THSD7B: variants seen among roughly 807,000 people sequenced by gnomAD.
The protein encoded by THSD7B is thrombospondin type 1 domain containing 7B, also known as thrombospondin type-1 domain-containing protein 7B.
THSD7B carries 138 observed loss-of-function variants against 213.6 expected under a neutral mutation model. The ratio of observed to expected loss-of-function variants is 0.65; its 90% CI spans 0.56 to 0.74. The LOEUF (loss-of-function observed/expected upper bound fraction) is 0.74. THSD7B is among the 30% of genes least tolerant of loss of function. The probability of loss-of-function intolerance (pLI) is 0.00; values close to 1 mark genes in which losing one functional copy is unlikely to be tolerated. For synonymous variants in THSD7B, 742 were observed against 687.0 expected (o/e 1.08, Z -1.25); for missense variants, 1,931 against 1,991.5 (o/e 0.97, Z 0.58).
rs191173202 is a variant in THSD7B, at chr2:137,574,852, T to C, written c.3423+2296T>C. 1.7e-4 allele frequency among the ~76,000 whole-genome samples: 26 copies of C among 152,246 alleles called. No homozygotes were observed. In the East Asian group the frequency reaches 3.7e-3, roughly 21 times the overall value. ...ATAGCAAAGGCAGCAAACTAAATCA[T>C]TGTGCCTGTAATTTAATTAGCACTT... On this transcript the variant is annotated intron_variant, in intron 17 of 27. Coordinates refer to ENST00000409968, the MANE Select transcript of THSD7B (RefSeq NM_001316349.2).
rs62171239 is a variant in THSD7B at position 137,073,348 on chromosome 2, G to A, written c.950+16118G>A. Among the ~76,000 whole-genome samples the A allele has an allele frequency of 1.2e-4, 18 of 152,074 alleles. No homozygotes were observed. The East Asian group carries it at 2.1e-3, about 18-fold the overall frequency. On this transcript the variant is annotated intron_variant, in intron 3 of 27. Transcript: ENST00000409968. ...TTAGTCTTGGGAGGATGTATGTGTC[G>A]AGGAATTTATCCATTTCTTCTAGAT...
In THSD7B at chr2:137,426,523, T is replaced by C. The variant is rs141479276; in HGVS notation, c.2959+14651T>C. On this transcript the variant is annotated intron_variant, in intron 14 of 27. Coordinates refer to ENST00000409968, the MANE Select transcript of THSD7B (RefSeq NM_001316349.2). ...ACAGAATATAAAGCTCAGAAATAAA[T>C]GTTGCGCTAGTAATCTTTGACAAAG... Among the ~76,000 whole-genome samples the C allele has an allele frequency of 3.4e-3, 513 of 152,144 alleles. 2 individuals carry two copies. Among genetic ancestry groups the C allele is most frequent in the African/African-American group, 0.011 (477 of 41,546 alleles).
At chr2:137,516,397 C>CA (rs756017478) in intron 15 of THSD7B, among the ~76,000 whole-genome samples, 36 of 152,300 alleles carry the variant, frequency 2.4e-4, no homozygotes, top group Non-Finnish European at 3.7e-4. Context: ...CGAAGGACCC[C>CA]ACTACATTAC....
intron 5 of THSD7B, among the ~76,000 whole-genome samples, chr2:137,137,207 G>A (rs1016614783): frequency 6.6e-6 from 1 of 152,106 alleles, no homozygotes; most frequent in African/African-American, 2.4e-5. Flanking sequence ...ATATTTTGCT[G>A]GGTGCCTTTC....
chr2:137,420,165 G>A lies in THSD7B; in HGVS notation c.2959+8293G>A, dbSNP rs553712386. 1.9e-4 allele frequency among the ~76,000 whole-genome samples: 29 copies of A among 151,990 alleles called. No individual in the cohort carries two copies. In the South Asian group the frequency reaches 3.5e-3, roughly 18 times the overall value. On this transcript the variant is annotated intron_variant, in intron 14 of 27. Transcript: ENST00000409968. ...TTACTGGAGTGAGATGATATCTACCGTGGTTTTGATTTTAACCTTGTTTAA... is the reference window on the plus strand; with the variant it reads ...TTACTGGAGTGAGATGATATCTACCATGGTTTTGATTTTAACCTTGTTTAA...
intron 13 of THSD7B, among the ~76,000 whole-genome samples, chr2:137,406,373 A>T (rs922868054): frequency 1.3e-5 from 2 of 152,236 alleles, no homozygotes; most frequent in Admixed American, 1.3e-4. Context: ...TAATTGTTTA[A>T]TTGAATTCCT....
intron 12 of THSD7B, among the ~76,000 whole-genome samples, chr2:137,401,207 T>C (rs1441253661): frequency 6.6e-6 from 1 of 152,222 alleles, no homozygotes; most frequent in Non-Finnish European, 1.5e-5. Context: ...GTTTTTAAAC[T>C]CTCTTTCCCC....
chr2:137,476,671 A>G (rs1367985672), intron 15 of THSD7B, among the ~76,000 whole-genome samples: 1 of 152,038 alleles, frequency 6.6e-6, no homozygotes, highest in East Asian at 1.9e-4. Context: ...CCTGGGTTCA[A>G]GGGATTCCCT....
At chr2:137,196,938 C>G (rs967113131) in intron 7 of THSD7B, among the ~76,000 whole-genome samples, 2 of 152,150 alleles carry the variant, frequency 1.3e-5, no homozygotes, top group Admixed American at 6.6e-5. Context: ...GCACAGCGGG[C>G]TCCTCCTGTT....
chr2:137,582,131 A>C, intron 17 of THSD7B, among the ~76,000 whole-genome samples: 1 of 145,838 alleles, frequency 6.9e-6, no homozygotes, highest in Middle Eastern at 3.8e-3. Context: ...GATAAATAAA[A>C]ATAAATTAAT....
chr2:136,996,291 G>GTCTCTCTCTC (rs70975734), intron 2 of THSD7B, among the ~76,000 whole-genome samples: 2 of 151,212 alleles, frequency 1.3e-5, no homozygotes, highest in Middle Eastern at 3.2e-3. Flanking sequence ...AGTCAGACTG[G>GTCTCTCTCTC]TCTCTCTCTC....
intron 1 of THSD7B, among the ~76,000 whole-genome samples, chr2:136,808,034 T>C (rs1336561980): frequency 6.6e-6 from 1 of 152,214 alleles, no homozygotes; most frequent in Non-Finnish European, 1.5e-5. Context: ...TTCCTACTGA[T>C]AGCTCCAAAT....
intron 2 of THSD7B, among the ~76,000 whole-genome samples, chr2:136,960,665 A>G (rs1201673340): frequency 1.3e-5 from 2 of 152,172 alleles, no homozygotes; most frequent in Non-Finnish European, 2.9e-5. Flanking sequence ...TTCCCTATCC[A>G]ACAAGATTCC....
chr2:136,784,880 G>A (rs1025113321), intron 1 of THSD7B, among the ~76,000 whole-genome samples: 1 of 152,162 alleles, frequency 6.6e-6, no homozygotes, highest in African/African-American at 2.4e-5. Context: ...TGCAAATGAG[G>A]AAATTTCTTA....
chr2:136,917,482 G>A (rs1299634284), intron 2 of THSD7B, among the ~76,000 whole-genome samples: 1 of 152,168 alleles, frequency 6.6e-6, no homozygotes, highest in African/African-American at 2.4e-5. Flanking sequence ...TCTCAGCTGG[G>A]GGTGGGGTGG....
chr2:137,670,846 G>A (rs1392026510), intron 27 of THSD7B, among the ~76,000 whole-genome samples: 4 of 148,150 alleles, frequency 2.7e-5, no homozygotes, highest in East Asian at 2.0e-4. Flanking sequence ...GTGTGAACCC[G>A]GGAGGCGGAG....
At chr2:136,987,921 T>G (rs967171700) in intron 2 of THSD7B, among the ~76,000 whole-genome samples, 1 of 152,180 alleles carries the variant, frequency 6.6e-6, no homozygotes, top group Non-Finnish European at 1.5e-5. Context: ...AAGAAATATA[T>G]TTTTATAGAA....
chr2:136,953,164 G>A (rs961541179), intron 2 of THSD7B, among the ~76,000 whole-genome samples: 1 of 152,158 alleles, frequency 6.6e-6, no homozygotes, highest in Non-Finnish European at 1.5e-5. Flanking sequence ...CATAGTCACA[G>A]CCTTCACTTA....
chr2:136,779,310 G>T (rs953044635), intron 1 of THSD7B, among the ~76,000 whole-genome samples: 6 of 151,444 alleles, frequency 4.0e-5, no homozygotes, highest in African/African-American at 7.3e-5. Flanking sequence ...TTTCCTTTGG[G>T]AAATATGTCC....
Sources: allele counts gnomAD v4.1 joint callset (sites outside exome capture counted in the v4.1 genomes callset), GRCh38; gene constraint gnomAD v4.1.1; transcripts MANE v1.5; gene names NCBI Gene and HGNC (gene_info 2026-07-23, HGNC 2026-07-21).